Variants in FIG4 observed in about 807,000 individuals in gnomAD.
The protein encoded by FIG4 is polyphosphoinositide phosphatase.
A neutral mutation model predicts 118.6 loss-of-function variants in FIG4; 112 were observed. That is an observed-to-expected ratio of 0.94 (90% CI 0.81 to 1.11). The LOEUF (loss-of-function observed/expected upper bound fraction) is 1.11. Ranked by LOEUF, FIG4 falls within the 50% of genes least tolerant of loss-of-function variation. FIG4 has a pLI of 0.00. For synonymous variants in FIG4, 369 were observed against 381.2 expected (o/e 0.97, Z 0.37); for missense variants, 969 against 1,111.7 (o/e 0.87, Z 1.83).
intron 17 of FIG4, among the ~76,000 whole-genome samples, chr6:109,785,298 T>C (rs1777920377): frequency 6.6e-6 from 1 of 152,186 alleles, no homozygotes; most frequent in African/African-American, 2.4e-5. Context: ...AAATATTTAG[T>C]CAGTAAAATA....
chr6:109,763,853 A>G (rs776830843), intron 12 of FIG4, 84 bp from the exon 13 acceptor site: 2 of 930,192 alleles, frequency 2.2e-6, no homozygotes, highest in Non-Finnish European at 3.5e-6. Flanking sequence ...CTTTAATTCT[A>G]TGATTCTTAA....
intron 21 of FIG4, among the ~76,000 whole-genome samples, chr6:109,795,116 T>A: frequency 8.5e-6 from 1 of 117,184 alleles, no homozygotes; most frequent in African/African-American, 3.2e-5. Flanking sequence ...TTTTTTTTTT[T>A]TTTTTTTTTT....
intron 13 of FIG4, among the ~76,000 whole-genome samples, chr6:109,764,476 A>G (rs928230819): frequency 1.3e-5 from 2 of 151,968 alleles, no homozygotes; most frequent in Non-Finnish European, 2.9e-5. Flanking sequence ...TGTAGCTGAA[A>G]TAATATGTCC....
At position 109,753,099 on chromosome 6, in the gene FIG4, C is replaced by G. The variant is rs1225901855; in HGVS notation, c.1138-7151C>G. ...AGCACCATTTATTAAATAGGGAATCCTTTCCCCATTGCTTGTTTTTGTCAG... is the reference window on the plus strand; with the variant it reads ...AGCACCATTTATTAAATAGGGAATCGTTTCCCCATTGCTTGTTTTTGTCAG... On this transcript the variant is annotated intron_variant, in intron 10 of 22. Coordinates refer to ENST00000230124, the MANE Select transcript of FIG4 (RefSeq NM_014845.6). 5.9e-5 allele frequency among the ~76,000 whole-genome samples: 9 copies of G among 152,256 alleles called. No homozygotes were observed. In the East Asian group the frequency reaches 1.7e-3, roughly 29 times the overall value.
Position 109,735,250 on chromosome 6 carries a change from A to G in FIG4, c.598A>G (p.Ser200Gly). The part of the protein sequence containing the change: ...KSEMTQNRQE[S>G]FDIFEDEGLI... The stretch of plus-strand genomic sequence containing the variant: ...AGAAATGACCCAGAATCGCCAAGAG[A>G]GCTTTGACATCTTTGAAGATGAAGG... The change falls in exon 6 of 23, where the codon AGC becomes GGC. Residue 200 changes from serine to glycine, a missense_variant. By Grantham distance (56) the Ser-to-Gly change is moderately conservative. Around this residue, in one of 3 missense-constraint regions of FIG4, gnomAD observed 393 missense variants for 409.4 expected, o/e 0.96. Coordinates refer to ENST00000230124, the MANE Select transcript of FIG4 (RefSeq NM_014845.6). 5 of 1,613,594 alleles carry G rather than the reference A, an allele frequency of 3.1e-6. No homozygotes were observed. Among genetic ancestry groups the G allele is most frequent in the Non-Finnish European group, 4.2e-6 (5 of 1,179,674 alleles).
intron 3 of FIG4, among the ~76,000 whole-genome samples, chr6:109,717,495 G>C (rs1331799044): frequency 2.6e-5 from 4 of 152,088 alleles, no homozygotes; most frequent in Admixed American, 2.6e-4. Context: ...CTGTGGCAGA[G>C]GATAAAATCC....
chr6:109,762,622 G>T (rs564765343), intron 12 of FIG4, among the ~76,000 whole-genome samples: 2 of 150,184 alleles, frequency 1.3e-5, no homozygotes, highest in South Asian at 2.1e-4. Flanking sequence ...TTCAGATCAA[G>T]GATTTATGCT....
rs9386845 is a variant in FIG4 at position 109,789,351 on chromosome 6, A to C, written c.2097-243A>C. Among the ~76,000 whole-genome samples, 128,367 of 151,886 alleles carry C rather than the reference A, an allele frequency of 0.85. 54,431 individuals are homozygous for C. Among genetic ancestry groups the C allele is most frequent in the African/African-American group, 0.92 (38,344 of 41,476 alleles). On this transcript the variant is annotated intron_variant, in intron 18 of 22. Transcript: ENST00000230124. ...TTGAAATTATCTAGTGCTGTTAATT[A>C]ATGGTTTTATGTCCCTATTGGGCCT...
chr6:109,732,863 A>C (rs1018096439), intron 5 of FIG4, among the ~76,000 whole-genome samples, 176 bp downstream of exon 5: 4 of 152,146 alleles, frequency 2.6e-5, no homozygotes, highest in Non-Finnish European at 5.9e-5. Flanking sequence ...ATATTTGAAA[A>C]TCCAAATGGA....
chr6:109,745,802 G>A (rs1776477583), intron 10 of FIG4, among the ~76,000 whole-genome samples: 1 of 151,888 alleles, frequency 6.6e-6, no homozygotes, highest in Non-Finnish European at 1.5e-5. Context: ...AATTCATCTC[G>A]AGTTAATTTT....
intron 11 of FIG4, among the ~76,000 whole-genome samples, chr6:109,761,069 A>G (rs1163700790): frequency 6.6e-6 from 1 of 152,164 alleles, no homozygotes; most frequent in Non-Finnish European, 1.5e-5. Flanking sequence ...CTTATTTTTT[A>G]AGATGTTACT....
Position 109,791,492 on chromosome 6 carries a change from G to C in FIG4, c.2297G>C (p.Arg766Pro), listed in dbSNP as rs1363783096. ...SSSEDDSGTD[R>P]EEEGSVSQRS... Reference sequence around the variant, plus strand: ...TCTGAGGATGACTCTGGGACTGATCGGGAAGAAGAGGGCTCTGTGTCTCAG... The same window carrying C: ...TCTGAGGATGACTCTGGGACTGATCCGGAAGAAGAGGGCTCTGTGTCTCAG... The change falls in exon 20 of 23, where the codon CGG (arginine) becomes CCG (proline). Residue 766 changes from arginine to proline, a missense_variant. Around this residue, in one of 3 missense-constraint regions of FIG4, gnomAD observed 330 missense variants for 348.1 expected, o/e 0.95. Coordinates refer to ENST00000230124, the MANE Select transcript of FIG4 (RefSeq NM_014845.6). The C allele has an allele frequency of 1.9e-6, 3 of 1,614,038 alleles. No homozygotes were observed. In the South Asian group the frequency reaches 3.3e-5, roughly 18 times the overall value.
At chr6:109,743,901 G>A in intron 10 of FIG4, 129 bp downstream of exon 10, 4 of 757,664 alleles carry the variant, frequency 5.3e-6, no homozygotes, top group South Asian at 4.2e-5. Flanking sequence ...TATTATGCTG[G>A]GACAGCTCAC....
Position 109,732,618 on chromosome 6 carries a change from T to G in FIG4, c.447-19T>G. On this transcript the variant is annotated intron_variant, in intron 4 of 22. Coordinates refer to ENST00000230124, the MANE Select transcript of FIG4 (RefSeq NM_014845.6). ...ATAGTATTGGACAAATGAAATGTAC[T>G]TTGTTTTTTTTTTTTTAGGTATCTA... The G allele has an allele frequency of 8.7e-7, 1 of 1,147,720 alleles. No individual in the cohort carries two copies. The allele number at this position is 1,147,720 out of a possible 1,614,324, so 71.1% of individuals were successfully genotyped here.
At chr6:109,705,398 T>G (rs1275009746) in intron 1 of FIG4, among the ~76,000 whole-genome samples, 1 of 152,158 alleles carries the variant, frequency 6.6e-6, no homozygotes, top group Non-Finnish European at 1.5e-5. Flanking sequence ...AAGCAGGGGT[T>G]TTCTTTCCCT....
At chr6:109,805,584 A>G (rs1778543240) in intron 22 of FIG4, among the ~76,000 whole-genome samples, 1 of 152,210 alleles carries the variant, frequency 6.6e-6, no homozygotes, top group East Asian at 1.9e-4. Context: ...TGCAGTTTCT[A>G]TTCCGTATGT....
chr6:109,693,040 T>G (rs1162887201), intron 1 of FIG4, among the ~76,000 whole-genome samples: 2 of 152,174 alleles, frequency 1.3e-5, no homozygotes, highest in East Asian at 1.9e-4. Context: ...GAGGACTGCG[T>G]GAGATATTAG....
At chr6:109,792,880 G>A (rs756894236) in intron 21 of FIG4, among the ~76,000 whole-genome samples, 29 of 151,702 alleles carry the variant, frequency 1.9e-4, no homozygotes, top group Admixed American at 1.9e-3. Context: ...TAGTAGAGAC[G>A]GGGTTTCACT....
chr6:109,784,447 G>A (rs1777894324), intron 16 of FIG4, among the ~76,000 whole-genome samples: 1 of 152,202 alleles, frequency 6.6e-6, no homozygotes, highest in South Asian at 2.1e-4. Flanking sequence ...TTGTTCGTTA[G>A]GACTGTCTAA....
Sources: gnomAD v4.1 joint callset for allele counts (sites outside exome capture counted in the v4.1 genomes callset) on GRCh38, gnomAD v4.1.1 for gene constraint, gnomAD v4.1.1 regional missense constraint, MANE v1.5 for transcripts, NCBI Gene and HGNC (gene_info 2026-07-23, HGNC 2026-07-21) for gene names.